The following BPI variants were observed in gnomAD, a reference collection of about 807,000 sequenced individuals.
BPI encodes bactericidal permeability increasing protein.
In BPI, 48 loss-of-function variants were observed where a neutral mutation model predicts 57.6. The ratio of observed to expected loss-of-function variants is 0.83; its 90% CI spans 0.66 to 1.06. BPI has a LOEUF of 1.06. Among genes scored for constraint, BPI ranks in the 50% least tolerant of loss-of-function variants. The probability of loss-of-function intolerance (pLI) is 0.00; values close to 1 mark genes in which losing one functional copy is unlikely to be tolerated. For missense variants in BPI, 651 were observed against 609.7 expected, an observed-to-expected ratio of 1.07 and a Z score of -0.71; for synonymous variants, 237 against 238.2, an observed-to-expected ratio of 0.99 and a Z score of 0.05.
At chr20:38,327,781 C>A in intron 11 of BPI, 126 bp downstream of exon 11, 1 of 1,136,876 alleles carries the variant, frequency 8.8e-7, no homozygotes, top group Non-Finnish European at 1.3e-6. Context: ...CACATTAAAA[C>A]CTCAAAGAGT....
In BPI at chr20:38,326,260, T is replaced by C; in HGVS notation, c.994-5T>C. Reference sequence around the variant, plus strand: ...TTCGTTGATTGTCTCCACTGGGGGCTGCAGGTGGCCAAGAAGTTTCCCAAC... The same window carrying C: ...TTCGTTGATTGTCTCCACTGGGGGCCGCAGGTGGCCAAGAAGTTTCCCAAC... On this transcript the variant is annotated splice_region_variant and splice_polypyrimidine_tract_variant and intron_variant, in intron 9 of 14. Transcript: ENST00000642449. 1 of 1,610,856 alleles carries C rather than the reference T, an allele frequency of 6.2e-7. No homozygotes were observed. The highest frequency in any genetic ancestry group is 1.3e-5 in the African/African-American group (1 of 74,948).
At position 38,305,204 on chromosome 20, in the gene BPI, C is replaced by T. The variant is rs568814060; in HGVS notation, c.130+851C>T. Among the ~76,000 whole-genome samples the T allele has an allele frequency of 5.9e-5, 9 of 151,710 alleles. No homozygotes were observed. In the South Asian group the frequency reaches 1.5e-3, roughly 25 times the overall value. On this transcript the variant is annotated intron_variant, in intron 1 of 14. Coordinates refer to ENST00000642449, the MANE Select transcript of BPI (RefSeq NM_001725.3). ...GACCTGGTATCCCACCCCTGAATTC[C>T]CACCCCAGCCCAGCAGGACATCACT...
At chr20:38,335,284 A>G (rs926713879) in intron 13 of BPI, among the ~76,000 whole-genome samples, 1 of 152,108 alleles carries the variant, frequency 6.6e-6, no homozygotes, top group Non-Finnish European at 1.5e-5. Context: ...ATTACACACC[A>G]CGCTCTAGTC....
Position 38,324,837 on chromosome 20 carries a change from TG to T in BPI, c.993+6del. 6.2e-7 allele frequency: 1 copy of T among 1,610,062 alleles called. No homozygotes were observed. Among genetic ancestry groups the T allele is most frequent in the Non-Finnish European group, 8.5e-7 (1 of 1,176,324 alleles). ...CTTTGGAACCTTCCTACCTGAGGTATGGAAGACCTTGCTTTCCTTTAGTGAG... is the reference window on the plus strand; with the variant it reads ...CTTTGGAACCTTCCTACCTGAGGTATGAAGACCTTGCTTTCCTTTAGTGAG... On this transcript the variant is annotated splice_donor_5th_base_variant and intron_variant, in intron 9 of 14. Transcript: ENST00000642449.
intron 10 of BPI, 157 bp downstream of exon 10, chr20:38,326,589 C>T: frequency 1.2e-6 from 1 of 834,196 alleles, no homozygotes. Context: ...ATGGTGCCGA[C>T]TCCTGGAGGT....
At position 38,326,354 on chromosome 20, in the gene BPI, C is replaced by A; in HGVS notation, c.1083C>A (p.Thr361=). 6.2e-7 allele frequency: 1 copy of A among 1,614,194 alleles called. No homozygotes were observed. The highest frequency in any genetic ancestry group is 8.5e-7 in the Non-Finnish European group (1 of 1,180,030). Residue 361 remains threonine, a synonymous_variant, in exon 10 of 15, where the codon ACC becomes ACA. Transcript: ENST00000642449. ...PHLSVQPTGL[T]FYPAVDVQAF... Reference sequence around the variant, plus strand: ...TGTCTGTGCAGCCCACCGGCCTTACCTTCTACCCTGCCGTGGATGTCCAGG... The same window carrying A: ...TGTCTGTGCAGCCCACCGGCCTTACATTCTACCCTGCCGTGGATGTCCAGG...
intron 12 of BPI, 104 bp from the exon 13 acceptor site, chr20:38,334,326 C>A: frequency 8.7e-7 from 1 of 1,146,022 alleles, no homozygotes; most frequent in Non-Finnish European, 1.3e-6. Context: ...TGCTGAGCAG[C>A]GCTAGGGGAA....
Position 38,327,773 on chromosome 20 carries a change from C to T in BPI, c.1229+118C>T, listed in dbSNP as rs1419064365. The stretch of plus-strand genomic sequence containing the variant: ...TTGTTGTTTTCCTGTTGGCTCATCA[C>T]ATTAAAACCTCAAAGAGTGTGCGAT... On this transcript the variant is annotated intron_variant, in intron 11 of 14. Coordinates refer to ENST00000642449, the MANE Select transcript of BPI (RefSeq NM_001725.3). 2.5e-5 allele frequency: 30 copies of T among 1,198,382 alleles called. No individual in the cohort carries two copies. The South Asian group carries it at 3.5e-4, about 14-fold the overall frequency. 74.2% of individuals were successfully genotyped at this position (1,198,382 alleles called of 1,614,324 possible). A position where few individuals can be genotyped will look rare whatever the true frequency, so the allele number is the denominator to read the frequency against.
intron 7 of BPI, among the ~76,000 whole-genome samples, chr20:38,320,936 T>C (rs1467202322): frequency 6.2e-5 from 7 of 113,276 alleles, no homozygotes; most frequent in Non-Finnish European, 1.1e-4. Context: ...GGTGGATGGG[T>C]AAGTGGATGG....
chr20:38,329,372 G>A (rs765441663), intron 11 of BPI, among the ~76,000 whole-genome samples: 14 of 152,158 alleles, frequency 9.2e-5, no homozygotes, highest in Admixed American at 2.6e-4. Flanking sequence ...GCACCAAGTC[G>A]TCCTTCTTCA....
intron 5 of BPI, among the ~76,000 whole-genome samples, chr20:38,313,362 A>T (rs2076630713): frequency 7.9e-6 from 1 of 127,378 alleles, no homozygotes; most frequent in Non-Finnish European, 1.6e-5. Flanking sequence ...CAGCCTGGGC[A>T]ACGAGAGTGA....
intron 4 of BPI, among the ~76,000 whole-genome samples, chr20:38,311,532 A>C (rs2076621905): frequency 6.6e-6 from 1 of 152,134 alleles, no homozygotes; most frequent in Non-Finnish European, 1.5e-5. Flanking sequence ...GGGGTGTTTT[A>C]AGCAGAGGGA....
chr20:38,335,750 T>C (rs2076764625), intron 14 of BPI, 76 bp downstream of exon 14: 2 of 1,439,578 alleles, frequency 1.4e-6, no homozygotes, highest in Non-Finnish European at 2.0e-6. Context: ...CAATGCTTCC[T>C]GCATGCCAAG....
chr20:38,333,485 T>C (rs2076752184), intron 12 of BPI, among the ~76,000 whole-genome samples: 1 of 152,306 alleles, frequency 6.6e-6, no homozygotes, highest in African/African-American at 2.4e-5. Flanking sequence ...CCTACAGATT[T>C]GCAAAAGAAA....
Position 38,326,293 on chromosome 20 carries a change from T to C in BPI, c.1022T>C (p.Ile341Thr), listed in dbSNP as rs2076712760. The C allele has an allele frequency of 1.2e-6, 2 of 1,613,644 alleles. No individual in the cohort carries two copies. Among genetic ancestry groups the C allele is most frequent in the Non-Finnish European group, 8.5e-7 (1 of 1,179,862 alleles). The part of the protein sequence containing the change: ...EVAKKFPNMK[I>T]QIHVSASTPP... ...GCCAAGAAGTTTCCCAACATGAAGA[T>C]ACAGATCCATGTCTCAGCCTCCACC... Residue 341 changes from isoleucine to threonine, a missense_variant, in exon 10 of 15, where the codon ATA (isoleucine) becomes ACA (threonine). Coordinates refer to ENST00000642449, the MANE Select transcript of BPI (RefSeq NM_001725.3).
chr20:38,307,815 C>T (rs762653546), intron 2 of BPI, 134 bp downstream of exon 2: 71 of 756,992 alleles, frequency 9.4e-5, no homozygotes, highest in South Asian at 7.8e-4. Flanking sequence ...TTACATCATC[C>T]CAAGGGGAGG....
intron 7 of BPI, among the ~76,000 whole-genome samples, chr20:38,320,793 G>A (rs2076677953): frequency 6.8e-6 from 1 of 146,878 alleles, no homozygotes; most frequent in Non-Finnish European, 1.5e-5. Context: ...CCAATGCTTG[G>A]CACATACTAG....
intron 5 of BPI, among the ~76,000 whole-genome samples, chr20:38,312,773 T>TA (rs11482307): frequency 0.56 from 84,946 of 151,964 alleles, 24,301 homozygotes; most frequent in African/African-American, 0.64. Flanking sequence ...AAAATACAGA[T>TA]GGGGGGCATC....
intron 5 of BPI, among the ~76,000 whole-genome samples, chr20:38,314,122 AGAT>A (rs138957345): frequency 0.026 from 1,885 of 72,662 alleles, 24 homozygotes; most frequent in Non-Finnish European, 0.042. Flanking sequence ...ATGGTGGGGA[AGAT>A]GATGATGATG....
Sources: gnomAD v4.1 joint callset for allele counts (sites outside exome capture counted in the v4.1 genomes callset) on GRCh38, gnomAD v4.1.1 for gene constraint, MANE v1.5 for transcripts, NCBI Gene and HGNC (gene_info 2026-07-23, HGNC 2026-07-21) for gene names.